NCOR2: variants seen among roughly 807,000 people sequenced by gnomAD.
NCOR2 encodes the protein CTG repeat protein 26.
NCOR2 carries 81 observed loss-of-function variants against 262.9 expected under a neutral mutation model. The observed-to-expected ratio is 0.31, with a 90% CI of 0.26 to 0.37. The LOEUF (loss-of-function observed/expected upper bound fraction) is 0.37. Ranked by LOEUF, NCOR2 falls within the 10% of genes least tolerant of loss-of-function variation. The pLI, the probability that NCOR2 is intolerant of heterozygous loss-of-function variation, is 1.00. For synonymous variants in NCOR2, 1,659 were observed against 1,559.3 expected, an observed-to-expected ratio of 1.06 and a Z score of -1.51; for missense variants, 3,385 against 3,621.4, an observed-to-expected ratio of 0.93 and a Z score of 1.68.
intron 5 of NCOR2, among the ~76,000 whole-genome samples, chr12:124,465,071 C>T (rs2046351709): frequency 6.6e-6 from 1 of 152,196 alleles, no homozygotes; most frequent in Non-Finnish European, 1.5e-5. Context: ...CAGGCACCCA[C>T]CACGTGACTC....
chr12:124,448,721 G>A (rs111794705), intron 7 of NCOR2, among the ~76,000 whole-genome samples: 3,720 of 151,922 alleles, frequency 0.024, 71 homozygotes, highest in Middle Eastern at 0.051. Flanking sequence ...CGATCTCCCC[G>A]TCGACTAGTC....
At chr12:124,415,687 G>A (rs1029063064) in intron 13 of NCOR2, among the ~76,000 whole-genome samples, 3 of 152,220 alleles carry the variant, frequency 2.0e-5, no homozygotes, top group African/African-American at 4.8e-5. Context: ...CCCCTGCCTG[G>A]AACGGCAGCT....
chr12:124,429,007 C>G (rs978623775), intron 10 of NCOR2, among the ~76,000 whole-genome samples: 1 of 152,182 alleles, frequency 6.6e-6, no homozygotes, highest in Non-Finnish European at 1.5e-5. Context: ...CATCTGTGGG[C>G]CCCAGTGACG....
intron 17 of NCOR2, 87 bp downstream of exon 19, chr12:124,385,658 T>C: frequency 6.4e-7 from 1 of 1,550,746 alleles, no homozygotes; most frequent in Non-Finnish European, 8.7e-7. Flanking sequence ...GGCCCATGCC[T>C]CCTGGGGTGC....
intron 45 of NCOR2, among the ~76,000 whole-genome samples, chr12:124,326,611 A>C (rs560316016): frequency 1.3e-5 from 2 of 152,148 alleles, no homozygotes; most frequent in African/African-American, 4.8e-5. Context: ...GAGGTGGCTA[A>C]ACTGTCTGCT....
chr12:124,456,871 C>T (rs891608695), intron 6 of NCOR2, among the ~76,000 whole-genome samples: 4 of 152,222 alleles, frequency 2.6e-5, no homozygotes, highest in Non-Finnish European at 5.9e-5. Flanking sequence ...CAGGTGGCCC[C>T]GGAGGCGCTC....
At chr12:124,442,768 G>T (rs757812571) in intron 7 of NCOR2, among the ~76,000 whole-genome samples, 1 of 152,292 alleles carries the variant, frequency 6.6e-6, no homozygotes, top group Non-Finnish European at 1.5e-5. Context: ...CTCAAAACAT[G>T]ACCTCATTTG....
chr12:124,511,693 G>T (rs953337202), intron 1 of NCOR2, among the ~76,000 whole-genome samples: 2 of 152,124 alleles, frequency 1.3e-5, no homozygotes, highest in Admixed American at 1.3e-4. Flanking sequence ...GTCCTTCCTG[G>T]AAAGTCCAGA....
At chr12:124,380,894 C>T (rs1380051935) in intron 17 of NCOR2, among the ~76,000 whole-genome samples, 1 of 152,138 alleles carries the variant, frequency 6.6e-6, no homozygotes, top group African/African-American at 2.4e-5. Context: ...AATCCTTACA[C>T]ACATGGTCCG....
intron 1 of NCOR2, among the ~76,000 whole-genome samples, chr12:124,555,150 T>C (rs73427631): frequency 1.3e-5 from 2 of 152,306 alleles, no homozygotes; most frequent in East Asian, 1.9e-4. Flanking sequence ...GGGAAACTAA[T>C]AGTTCTGGCC....
intron 1 of NCOR2, among the ~76,000 whole-genome samples, chr12:124,534,531 C>T (rs1285092361): frequency 1.3e-5 from 2 of 152,106 alleles, no homozygotes; most frequent in Non-Finnish European, 2.9e-5. Flanking sequence ...ACCAGAATGT[C>T]GTTATGCAGC....
chr12:124,339,719 G>GCTAACCTAA (rs1405988747), intron 37 of NCOR2, among the ~76,000 whole-genome samples: 1 of 46,504 alleles, frequency 2.2e-5, no homozygotes, highest in Non-Finnish European at 6.0e-5. Context: ...AGCTAACCCA[G>GCTAACCTAA]CCATCTATCT....
Position 124,335,432 on chromosome 12 carries a change from G to A in NCOR2, c.6265+51C>T, listed in dbSNP as rs116170618. The stretch of plus-strand genomic sequence containing the variant: ...TCCTATCTGCATGATGGGGCCTTGA[G>A]GGTCCTCACTGTGCAGGGCTTCGGG... On this transcript the variant is annotated intron_variant, in intron 39 of 46. Coordinates refer to ENST00000405201, the Ensembl canonical transcript of NCOR2. The A allele has an allele frequency of 2.5e-3, 3,971 of 1,571,360 alleles. 87 individuals are homozygous for A. The African/African-American group carries it at 0.045, about 18-fold the overall frequency.
At chr12:124,413,147 T>A (rs1311124279) in intron 13 of NCOR2, among the ~76,000 whole-genome samples, 1 of 152,110 alleles carries the variant, frequency 6.6e-6, no homozygotes, top group African/African-American at 2.4e-5. Context: ...GGGGCACCCA[T>A]GTCCTTGGTC....
rs567205985 is a variant in NCOR2, at chr12:124,443,228, C to T, written c.816-5232G>A. Among the ~76,000 whole-genome samples the T allele has an allele frequency of 5.3e-5, 8 of 152,314 alleles. No homozygotes were observed. In the South Asian group the frequency reaches 1.7e-3, roughly 32 times the overall value. On this transcript the variant is annotated intron_variant, in intron 7 of 46. Transcript: ENST00000405201. The surrounding 1 kb of genome is among the most constrained non-coding windows in gnomAD (Gnocchi z 4.4). ...TGCAGCTGGAAAACGACTCGGTGAG[C>T]ATGAGGCCTCGGGGTGGTGGTGATG...
At chr12:124,388,531 C>A (rs539039913) in intron 16 of NCOR2, among the ~76,000 whole-genome samples, 2 of 152,272 alleles carry the variant, frequency 1.3e-5, no homozygotes, top group Admixed American at 6.5e-5. Flanking sequence ...GAGGAGAGGG[C>A]ATGGGGGAAA....
intron 38 of NCOR2, chr12:124,335,973 A>G: frequency 3.5e-6 from 1 of 286,604 alleles, no homozygotes; most frequent in African/African-American, 2.2e-5. Flanking sequence ...CTGGGGAAGG[A>G]GTGTGTGGGG....
At chr12:124,493,752 C>T (rs1183867172) in intron 1 of NCOR2, among the ~76,000 whole-genome samples, 2 of 152,180 alleles carry the variant, frequency 1.3e-5, no homozygotes, top group Non-Finnish European at 2.9e-5. Context: ...AATCATTTCC[C>T]ACTGGGAGTC....
intron 1 of NCOR2, among the ~76,000 whole-genome samples, chr12:124,528,632 C>A (rs1042248203): frequency 9.2e-5 from 14 of 152,200 alleles, no homozygotes; most frequent in Non-Finnish European, 1.5e-5. Context: ...GAAGGCACAG[C>A]GTCTCCTCCA....
Sources: gnomAD v4.1 joint callset for allele counts (sites outside exome capture counted in the v4.1 genomes callset) on GRCh38, gnomAD v4.1.1 for gene constraint, Gnocchi (gnomAD v3.1) non-coding constraint, MANE v1.5 for transcripts, NCBI Gene and HGNC (gene_info 2026-07-23, HGNC 2026-07-21) for gene names.